FKBP15: variants seen among roughly 807,000 people sequenced by gnomAD.
FKBP15 encodes FK506-binding protein 15.
Under a neutral mutation model 158.1 loss-of-function variants are expected in FKBP15, and 106 were observed. That is an observed-to-expected ratio of 0.67 (90% CI 0.57 to 0.79). The LOEUF (loss-of-function observed/expected upper bound fraction) is 0.79, where lower values mean the gene tolerates loss of function less well. Among genes scored for constraint, FKBP15 ranks in the 30% least tolerant of loss-of-function variants. The pLI, the probability that FKBP15 is intolerant of heterozygous loss-of-function variation, is 0.00. For missense variants in FKBP15, 1,287 were observed against 1,479.1 expected, an observed-to-expected ratio of 0.87 and a Z score of 2.13; for synonymous variants, 547 against 548.6, an observed-to-expected ratio of 1.00 and a Z score of 0.04.
intron 4 of FKBP15, 176 bp downstream of exon 4, chr9:113,206,333 C>A (rs1231619945): frequency 5.2e-6 from 3 of 577,530 alleles, no homozygotes; most frequent in African/African-American, 1.9e-5. Flanking sequence ...TTTTAACGCA[C>A]AATAGTAAGC....
chr9:113,216,641 T>A (rs1276850457), intron 1 of FKBP15, among the ~76,000 whole-genome samples: 2 of 152,214 alleles, frequency 1.3e-5, no homozygotes, highest in Non-Finnish European at 2.9e-5. Flanking sequence ...GTGAAAAATG[T>A]ACAAAGCTTA....
chr9:113,171,224 G>A (rs7467537), intron 24 of FKBP15, among the ~76,000 whole-genome samples: 16,748 of 152,182 alleles, frequency 0.11, 1,088 homozygotes, highest in Non-Finnish European at 0.15. Context: ...TCAAGAGACC[G>A]AGACCATCCT....
intron 4 of FKBP15, 115 bp downstream of exon 4, chr9:113,206,394 C>T (rs1830887631): frequency 3.8e-6 from 3 of 781,352 alleles, no homozygotes; most frequent in Non-Finnish European, 4.4e-6. Flanking sequence ...ACATTCAATA[C>T]AAATAATCAT....
intron 21 of FKBP15, among the ~76,000 whole-genome samples, 183 bp from the exon 22 acceptor site, chr9:113,174,766 G>A (rs1830273056): frequency 6.6e-6 from 1 of 152,152 alleles, no homozygotes; most frequent in Non-Finnish European, 1.5e-5. Flanking sequence ...ATGGTGACAG[G>A]AGAAGGAAAA....
chr9:113,190,246 A>C (rs1453410059), intron 12 of FKBP15, among the ~76,000 whole-genome samples: 1 of 152,176 alleles, frequency 6.6e-6, no homozygotes, highest in Non-Finnish European at 1.5e-5. Context: ...TAACTACTGA[A>C]AACTGCCCAG....
At chr9:113,191,420 CAG>C (rs1188329228) in intron 11 of FKBP15, among the ~76,000 whole-genome samples, 1 of 151,806 alleles carries the variant, frequency 6.6e-6, no homozygotes, top group Admixed American at 6.6e-5. Flanking sequence ...AGTTTGCTTA[CAG>C]GGATTGGTGG....
chr9:113,217,697 C>T (rs1831167562), intron 1 of FKBP15, among the ~76,000 whole-genome samples: 1 of 151,864 alleles, frequency 6.6e-6, no homozygotes, highest in Non-Finnish European at 1.5e-5. Context: ...AAAAATTAGC[C>T]AGGCGTGGTG....
chr9:113,196,662 C>T (rs1830691129), intron 9 of FKBP15, among the ~76,000 whole-genome samples: 1 of 152,114 alleles, frequency 6.6e-6, no homozygotes. Flanking sequence ...GGATTACAGG[C>T]GTGAGCCACT....
Position 113,190,463 on chromosome 9 carries a change from G to A in FKBP15, c.1173+8C>T. 6.3e-7 allele frequency: 1 copy of A among 1,593,692 alleles called. No homozygotes were observed. The highest frequency in any genetic ancestry group is 8.6e-7 in the Non-Finnish European group (1 of 1,166,234). ...ACTATTCATTCTAATACAGCCAGGG[G>A]GACATACTTCGATTTCTGAATCATT... is the stretch of plus-strand genomic sequence containing the variant. On this transcript the variant is annotated splice_region_variant and intron_variant, in intron 12 of 27. Transcript: ENST00000238256.
In FKBP15 at chr9:113,174,530, C is replaced by T. The variant is rs1324389001; in HGVS notation, c.2277G>A (p.Glu759=). Residue 759 remains glutamate, a synonymous_variant, in exon 22 of 28, where the codon GAG becomes GAA. Coordinates refer to ENST00000238256, the MANE Select transcript of FKBP15 (RefSeq NM_015258.2). ...ATGACTTGCGAATTTCATCTATCTC[C>T]TCCTCGGCCTGAGAACGCTCTTGAG... The part of the protein sequence containing the change: ...KSAQERSQAE[E]EIDEIRKSYQ... The T allele has an allele frequency of 6.8e-6, 11 of 1,613,996 alleles. No individual in the cohort carries two copies. The highest frequency in any genetic ancestry group is 1.1e-5 in the South Asian group (1 of 91,084).
In FKBP15 at chr9:113,164,078, TG is replaced by T. The variant is rs1830061088; in HGVS notation, c.*1999del. The stretch of plus-strand genomic sequence containing the variant: ...CTCACAGATTAGATGAAAAGATGGT[TG>T]TAAGCTTTGGGAATTAAAAACAAAC... On this transcript the variant is annotated 3_prime_UTR_variant, in exon 28 of 28. Coordinates refer to ENST00000238256, the MANE Select transcript of FKBP15 (RefSeq NM_015258.2). The T allele has an allele frequency of 6.6e-6, 1 of 151,178 alleles. No homozygotes were observed. Among genetic ancestry groups the T allele is most frequent in the Admixed American group, 6.7e-5 (1 of 14,982 alleles). 9.4% of individuals were successfully genotyped at this position (151,178 alleles called of 1,614,324 possible). A position where few individuals can be genotyped will look rare whatever the true frequency, so the allele number is the denominator to read the frequency against.
At chr9:113,192,121 T>C (rs1830585861) in intron 11 of FKBP15, among the ~76,000 whole-genome samples, 2 of 152,126 alleles carry the variant, frequency 1.3e-5, no homozygotes, top group Non-Finnish European at 1.5e-5. Context: ...CGAGTTGTTA[T>C]GACTACAGAG....
In FKBP15 at chr9:113,176,789, C is replaced by G; in HGVS notation, c.2087-116G>C. The G allele has an allele frequency of 1.7e-6, 2 of 1,175,890 alleles. 1 individual carries two copies. Among genetic ancestry groups the G allele is most frequent in the South Asian group, 3.2e-5 (2 of 62,422 alleles). 72.8% of individuals were successfully genotyped at this position (1,175,890 alleles called of 1,614,324 possible). The stretch of plus-strand genomic sequence containing the variant: ...TTGGAGACAAAGCCTTGCTCCATCA[C>G]TCAGGCTGGAGTGCAGTGGTGTGAT... On this transcript the variant is annotated intron_variant, in intron 20 of 27. Transcript: ENST00000238256.
intron 3 of FKBP15, chr9:113,206,887 G>C: frequency 2.4e-6 from 1 of 422,448 alleles, no homozygotes; most frequent in Non-Finnish European, 4.2e-6. Context: ...CGGCCCAGCA[G>C]TTTATAATTT....
At position 113,161,840 on chromosome 9, in the gene FKBP15, A is replaced by T; in HGVS notation, c.*4238T>A. 5 of 875,588 alleles carry T rather than the reference A, an allele frequency of 5.7e-6. No individual in the cohort carries two copies. The highest frequency in any genetic ancestry group is 9.3e-6 in the Non-Finnish European group (5 of 540,422). 54.2% of individuals were successfully genotyped at this position (875,588 alleles called of 1,614,324 possible). A position where few individuals can be genotyped will look rare whatever the true frequency, so the allele number is the denominator to read the frequency against. On this transcript the variant is annotated 3_prime_UTR_variant, in exon 28 of 28. Transcript: ENST00000238256. Reference sequence around the variant, plus strand: ...CCAGGACTTGCCAAAGTGGCTACACATAGCCAAGTGAACTAGAGCTCATGT... The same window carrying T: ...CCAGGACTTGCCAAAGTGGCTACACTTAGCCAAGTGAACTAGAGCTCATGT...
At position 113,162,960 on chromosome 9, in the gene FKBP15, GC is replaced by G. The variant is rs752411020; in HGVS notation, c.*3117del. 6.6e-7 allele frequency: 1 copy of G among 1,522,004 alleles called. No homozygotes were observed. Among genetic ancestry groups the G allele is most frequent in the South Asian group, 1.3e-5 (1 of 79,762 alleles). The allele number at this position is 1,522,004 out of a possible 1,614,324, so 94.3% of individuals were successfully genotyped here. Reference sequence around the variant, plus strand: ...GGCACTGAGGCTGGAGGGACATGGAGCCCCCTCTTCCAGACACTATACTTCC... The same window carrying G: ...GGCACTGAGGCTGGAGGGACATGGAGCCCCTCTTCCAGACACTATACTTCC... On this transcript the variant is annotated 3_prime_UTR_variant, in exon 28 of 28. Transcript: ENST00000238256.
Position 113,188,435 on chromosome 9 carries a change from G to A in FKBP15, c.1230C>T (p.Pro410=). ...GQPVVTPSVQ[P]SLHPAHPALP... is the part of the protein sequence containing the mutation. ...ACGCTGGATGGGCCGGATGAAGAGAGGGCTGGACGGACGGAGTCACCACAG... is the reference window on the plus strand; with the variant it reads ...ACGCTGGATGGGCCGGATGAAGAGAAGGCTGGACGGACGGAGTCACCACAG... Residue 410 remains proline, a synonymous_variant, in exon 13 of 28, where the codon CCC becomes CCT. Transcript: ENST00000238256. 6.2e-7 allele frequency: 1 copy of A among 1,613,932 alleles called. No individual in the cohort carries two copies. The highest frequency in any genetic ancestry group is 8.5e-7 in the Non-Finnish European group (1 of 1,179,870).
Position 113,184,773 on chromosome 9 carries a change from A to T in FKBP15, c.1530T>A (p.Thr510=). The T allele has an allele frequency of 1.2e-6, 2 of 1,604,384 alleles. No individual in the cohort carries two copies. The highest frequency in any genetic ancestry group is 1.7e-6 in the Non-Finnish European group (2 of 1,175,210). ...GSGDMASFLM[T]EARQHNTEIR... ...TTTCAGTGTTATGTTGCCGGGCTTCAGTCATGAGAAATGAAGCCATATCAC... is the reference window on the plus strand; with the variant it reads ...TTTCAGTGTTATGTTGCCGGGCTTCTGTCATGAGAAATGAAGCCATATCAC... The change falls in exon 16 of 28, where the codon ACT becomes ACA. Residue 510 remains threonine, a synonymous_variant. Coordinates refer to ENST00000238256, the MANE Select transcript of FKBP15 (RefSeq NM_015258.2). This position sits in a 1 kb window ranked among gnomAD's most constrained non-coding sequence, Gnocchi z 4.5.
In FKBP15 at chr9:113,194,182, C is replaced by T. The variant is rs757069089; in HGVS notation, c.865-13G>A. ...TGGCAAACTTCACCTAAGGAAACAC[C>T]GCATATTCTCACTCATAGGTGGGAA... On this transcript the variant is annotated splice_polypyrimidine_tract_variant and intron_variant, in intron 9 of 27. Transcript: ENST00000238256. 2.6e-5 allele frequency: 41 copies of T among 1,586,232 alleles called. No individual in the cohort carries two copies. In the South Asian group the frequency reaches 3.7e-4, roughly 14 times the overall value.
Sources: allele counts gnomAD v4.1 joint callset (sites outside exome capture counted in the v4.1 genomes callset), GRCh38; gene constraint gnomAD v4.1.1; non-coding constraint Gnocchi (gnomAD v3.1); transcripts MANE v1.5; gene names NCBI Gene and HGNC (gene_info 2026-07-23, HGNC 2026-07-21).